The following FBXO34 variants were observed in gnomAD, a reference collection of about 807,000 sequenced individuals.
FBXO34 encodes the protein F-box protein 34.
Under a neutral mutation model 24.5 loss-of-function variants are expected in FBXO34, and 12 were observed. The ratio of observed to expected loss-of-function variants is 0.49; its 90% CI spans 0.31 to 0.79. The LOEUF (loss-of-function observed/expected upper bound fraction) is 0.79, where lower values mean the gene tolerates loss of function less well. Among genes scored for constraint, FBXO34 ranks in the 30% least tolerant of loss-of-function variants. The pLI is 0.04. For missense variants in FBXO34, 823 were observed against 857.7 expected (o/e 0.96, Z 0.51); for synonymous variants, 320 against 311.9 (o/e 1.03, Z -0.27).
the FBXO34 span, among the ~76,000 whole-genome samples, chr14:55,402,139 A>G: frequency 6.6e-6 from 1 of 152,296 alleles, no homozygotes. Context: ...ATTCTGTGCT[A>G]GGAATAACTA....
At chr14:55,331,286 T>A (rs1241156437) in intron 1 of FBXO34, among the ~76,000 whole-genome samples, 1 of 152,060 alleles carries the variant, frequency 6.6e-6, no homozygotes, top group African/African-American at 2.4e-5. Flanking sequence ...CTGGTAAAAA[T>A]ATATTAATGG....
At chr14:55,309,455 T>G (rs549342503) in intron 1 of FBXO34, among the ~76,000 whole-genome samples, 8 of 152,332 alleles carry the variant, frequency 5.3e-5, no homozygotes, top group African/African-American at 1.9e-4. Flanking sequence ...TTGGATATCC[T>G]TTTTGCAAGA....
the FBXO34 span, chr14:55,385,821 TG>T: frequency 4.0e-6 from 6 of 1,502,964 alleles, no homozygotes; most frequent in Non-Finnish European, 5.5e-6. Flanking sequence ...ATTTGGAACT[TG>T]ATCTATTCCT....
intron 1 of FBXO34, chr14:55,326,082 A>T (rs770878739): frequency 4.6e-5 from 7 of 152,216 alleles, no homozygotes; most frequent in Non-Finnish European, 7.3e-5. Flanking sequence ...GGCCTATTCA[A>T]GGTGTTTCTA....
chr14:55,320,432 C>T (rs1011314624), intron 1 of FBXO34, among the ~76,000 whole-genome samples: 1 of 152,144 alleles, frequency 6.6e-6, no homozygotes, highest in African/African-American at 2.4e-5. Context: ...TTTCCTGTCT[C>T]TTTGCTAATA....
At position 55,301,802 on chromosome 14, in the gene FBXO34, C is replaced by T. The variant is rs555742855; in HGVS notation, c.-11+30265C>T. 1.6e-4 allele frequency among the ~76,000 whole-genome samples: 25 copies of T among 152,298 alleles called. No individual in the cohort carries two copies. The South Asian group carries it at 3.7e-3, about 23-fold the overall frequency. ...GAGCCAGGCAGTATTATCTGAGCCA[C>T]TTGGTCAGGACAGGTTATGGAACAG... On this transcript the variant is annotated intron_variant, in intron 1 of 1. Coordinates refer to ENST00000313833, the MANE Select transcript of FBXO34 (RefSeq NM_017943.4).
chr14:55,364,177 G>T (rs568258102), downstream of FBXO34, among the ~76,000 whole-genome samples: 133 of 152,070 alleles, frequency 8.7e-4, 1 homozygote, highest in Middle Eastern at 3.4e-3. Flanking sequence ...TTGAACTCCT[G>T]ACCTCAGGTG....
the FBXO34 span, among the ~76,000 whole-genome samples, chr14:55,425,866 G>A: frequency 6.6e-6 from 1 of 152,156 alleles, no homozygotes; most frequent in African/African-American, 2.4e-5. Context: ...GTGGGCAAGG[G>A]ACTATAGCTA....
chr14:55,321,410 CT>C (rs371710800), intron 1 of FBXO34, among the ~76,000 whole-genome samples: 407 of 143,732 alleles, frequency 2.8e-3, no homozygotes, highest in Middle Eastern at 3.6e-3. Flanking sequence ...TGCAATGTTT[CT>C]TTTTTTTTTT....
chr14:55,306,347 C>T (rs1259841601), intron 1 of FBXO34, among the ~76,000 whole-genome samples: 4 of 152,194 alleles, frequency 2.6e-5, no homozygotes, highest in Non-Finnish European at 4.4e-5. Context: ...TCAGTTTGCA[C>T]TTCTATTGTT....
chr14:55,363,599 G>A (rs1176036634), downstream of FBXO34, among the ~76,000 whole-genome samples: 1 of 152,140 alleles, frequency 6.6e-6, no homozygotes, highest in Non-Finnish European at 1.5e-5. Context: ...AAAGTGCTGG[G>A]ATCACAGCTG....
At chr14:55,413,869 A>G in the FBXO34 span, 2 of 438,640 alleles carry the variant, frequency 4.6e-6, no homozygotes, top group African/African-American at 4.1e-5. Context: ...AACACTGTAG[A>G]CTCTTCCAGC....
chr14:55,374,756 A>C (rs112843022), downstream of FBXO34, among the ~76,000 whole-genome samples: 488 of 152,330 alleles, frequency 3.2e-3, 4 homozygotes, highest in African/African-American at 0.011. Flanking sequence ...CAACTGGCCC[A>C]ACGCTATTGA....
At chr14:55,321,821 C>T (rs916038724) in intron 1 of FBXO34, among the ~76,000 whole-genome samples, 1 of 152,224 alleles carries the variant, frequency 6.6e-6, no homozygotes, top group Non-Finnish European at 1.5e-5. Flanking sequence ...CTCTGTAAAG[C>T]TGCCGCAGGG....
chr14:55,437,934 A>AT, the FBXO34 span, among the ~76,000 whole-genome samples: 403 of 152,330 alleles, frequency 2.6e-3, no homozygotes, highest in Non-Finnish European at 4.6e-3. Flanking sequence ...AAATCAATTT[A>AT]TTTTCAGTCC....
At chr14:55,361,564 G>C (rs867973630) in intron 3 of FBXO34, among the ~76,000 whole-genome samples, 56 of 152,282 alleles carry the variant, frequency 3.7e-4, no homozygotes, top group African/African-American at 1.3e-3. Flanking sequence ...TTGGAAGCCA[G>C]GCACTGGCTT....
chr14:55,304,872 CT>C (rs1020031134), intron 1 of FBXO34, among the ~76,000 whole-genome samples: 1 of 152,010 alleles, frequency 6.6e-6, no homozygotes, highest in Non-Finnish European at 1.5e-5. Context: ...TTTTCAAAAT[CT>C]TTTTTAAAAA....
At chr14:55,416,050 C>T in the FBXO34 span, among the ~76,000 whole-genome samples, 1 of 151,780 alleles carries the variant, frequency 6.6e-6, no homozygotes. Flanking sequence ...TCCATGGAGA[C>T]AGAATTCAGA....
chr14:55,411,927 C>A, the FBXO34 span: 4 of 1,049,412 alleles, frequency 3.8e-6, no homozygotes, highest in South Asian at 4.9e-5. Context: ...TGCCGGCGAG[C>A]CCCCGGACCC....
Sources: allele counts gnomAD v4.1 joint callset (sites outside exome capture counted in the v4.1 genomes callset), GRCh38; gene constraint gnomAD v4.1.1; transcripts MANE v1.5; gene names NCBI Gene and HGNC (gene_info 2026-07-23, HGNC 2026-07-21).